Variants in RASSF3 observed in about 807,000 individuals in gnomAD.
RASSF3 encodes Ras association domain family member 3, also known as ras association domain-containing protein 3.
Under a neutral mutation model 19.9 loss-of-function variants are expected in RASSF3, and 19 were observed. The ratio of observed to expected loss-of-function variants is 0.96; its 90% CI spans 0.67 to 1.40. The LOEUF (loss-of-function observed/expected upper bound fraction) is 1.40, where lower values mean the gene tolerates loss of function less well. RASSF3 is among the 40% of genes most tolerant of loss of function. The pLI is 0.00. For missense variants in RASSF3, 306 were observed against 289.8 expected (o/e 1.06, Z -0.41); for synonymous variants, 110 against 104.2 (o/e 1.06, Z -0.34).
chr12:64,687,386 C>T (rs905628244), intron 2 of RASSF3, among the ~76,000 whole-genome samples: 3 of 152,036 alleles, frequency 2.0e-5, no homozygotes, highest in Non-Finnish European at 4.4e-5. Flanking sequence ...AATAGTAATT[C>T]TACCATCAGT....
intron 1 of RASSF3, among the ~76,000 whole-genome samples, chr12:64,524,218 T>TTTTTTTTA (rs1313896934): frequency 2.9e-5 from 4 of 137,790 alleles, no homozygotes; most frequent in African/African-American, 1.1e-4. Flanking sequence ...TGCCCGGCAA[T>TTTTTTTTA]TTTATTTATT....
At chr12:64,604,920 C>T (rs574519435) in intron 2 of RASSF3, among the ~76,000 whole-genome samples, 57 of 152,106 alleles carry the variant, frequency 3.7e-4, no homozygotes, top group Non-Finnish European at 1.5e-5. Context: ...CCACCGTGCC[C>T]GGCCATGTAA....
At chr12:64,656,409 A>G (rs975123353) in intron 1 of RASSF3, among the ~76,000 whole-genome samples, 3 of 152,180 alleles carry the variant, frequency 2.0e-5, no homozygotes, top group Non-Finnish European at 4.4e-5. Context: ...ATTTAATTGT[A>G]TACTTATGGG....
intron 1 of RASSF3, among the ~76,000 whole-genome samples, chr12:64,678,588 TTTTG>T (rs762180345): frequency 3.7e-4 from 56 of 151,836 alleles, no homozygotes; most frequent in Non-Finnish European, 6.2e-4. Context: ...ATTTGCTCTT[TTTTG>T]TTTGTTTGTT....
intron 1 of RASSF3, among the ~76,000 whole-genome samples, chr12:64,672,674 TA>T (rs1032799074): frequency 1.3e-5 from 2 of 152,100 alleles, no homozygotes; most frequent in Non-Finnish European, 2.9e-5. Flanking sequence ...CACTCCTGGC[TA>T]ATATTTTTAT....
intron 1 of RASSF3, among the ~76,000 whole-genome samples, chr12:64,617,107 T>TG (rs1870579331): frequency 6.6e-6 from 1 of 152,242 alleles, no homozygotes; most frequent in African/African-American, 2.4e-5. Flanking sequence ...CAGTATTTGG[T>TG]ACTGTTAGTT....
At chr12:64,558,162 ACATTCAAAGTCAGCAGTAG>A (rs1869284106) in intron 2 of RASSF3, among the ~76,000 whole-genome samples, 1 of 152,160 alleles carries the variant, frequency 6.6e-6, no homozygotes, top group Non-Finnish European at 1.5e-5. Flanking sequence ...TGACAGTTGG[ACATTCAAAGTCAGCAGTAG>A]CTAAATCAGC....
intron 2 of RASSF3, among the ~76,000 whole-genome samples, chr12:64,586,492 A>AC: frequency 2.2e-4 from 2 of 8,952 alleles, no homozygotes; most frequent in Non-Finnish European, 5.5e-4. Flanking sequence ...TCCTTCTCAG[A>AC]AAAAAAAAAA....
chr12:64,676,231 G>T (rs1872896733), intron 1 of RASSF3, among the ~76,000 whole-genome samples: 1 of 145,140 alleles, frequency 6.9e-6, no homozygotes, highest in Non-Finnish European at 1.5e-5. Context: ...GGAGTGCAGT[G>T]GTGTAACCTC....
chr12:64,546,057 A>G (rs10878190), downstream of RASSF3, among the ~76,000 whole-genome samples: 21,617 of 144,792 alleles, frequency 0.15, 2,109 homozygotes, highest in African/African-American at 0.28. Context: ...GATTACGCCA[A>G]TGCGCTCCAG....
intron 1 of RASSF3, among the ~76,000 whole-genome samples, chr12:64,623,245 G>A (rs1300204285): frequency 6.6e-6 from 1 of 152,168 alleles, no homozygotes; most frequent in African/African-American, 2.4e-5. Context: ...ATATCACGTA[G>A]GAGGAAAAGT....
At chr12:64,606,699 T>C (rs550696944), upstream of RASSF3, among the ~76,000 whole-genome samples, 11 of 152,118 alleles carry the variant, frequency 7.2e-5, no homozygotes, top group Non-Finnish European at 8.8e-5. Flanking sequence ...CCTGTAATCC[T>C]AGCTACTCGG....
chr12:64,621,514 G>A (rs143902362), intron 1 of RASSF3, among the ~76,000 whole-genome samples: 1 of 152,290 alleles, frequency 6.6e-6, no homozygotes, highest in East Asian at 1.9e-4. Flanking sequence ...TTTCGGTCAT[G>A]TTGCCCAGGC....
intron 2 of RASSF3, among the ~76,000 whole-genome samples, chr12:64,554,386 C>T (rs1252835064): frequency 6.6e-6 from 1 of 152,188 alleles, no homozygotes; most frequent in African/African-American, 2.4e-5. Flanking sequence ...CTCACTGCAA[C>T]CTTTGCCTCC....
At chr12:64,518,532 A>G (rs1868406383) in intron 1 of RASSF3, among the ~76,000 whole-genome samples, 1 of 152,214 alleles carries the variant, frequency 6.6e-6, no homozygotes, top group African/African-American at 2.4e-5. Flanking sequence ...TACCGCAAGG[A>G]TGGCACCAAG....
chr12:64,606,579 C>T, upstream of RASSF3, among the ~76,000 whole-genome samples: 1 of 152,170 alleles, frequency 6.6e-6, no homozygotes, highest in East Asian at 1.9e-4. Flanking sequence ...TCAGTGATAG[C>T]CAAGGCAGGC....
chr12:64,587,925 C>T (rs1297552875), intron 2 of RASSF3, among the ~76,000 whole-genome samples: 5 of 152,160 alleles, frequency 3.3e-5, no homozygotes, highest in African/African-American at 9.7e-5. Context: ...TAAATGAACA[C>T]CACCCCCAGC....
At chr12:64,685,125 C>T (rs1020290130) in intron 2 of RASSF3, among the ~76,000 whole-genome samples, 1 of 152,162 alleles carries the variant, frequency 6.6e-6, no homozygotes, top group African/African-American at 2.4e-5. Flanking sequence ...AAGTGAAACA[C>T]TTATAATTTT....
At chr12:64,610,050 C>G (rs1870278866), upstream of RASSF3, among the ~76,000 whole-genome samples, 1 of 152,056 alleles carries the variant, frequency 6.6e-6, no homozygotes, top group Non-Finnish European at 1.5e-5. Flanking sequence ...CCTGGGGGGT[C>G]CCTCGGCCGG....
Sources: allele counts gnomAD v4.1 joint callset (sites outside exome capture counted in the v4.1 genomes callset), GRCh38; gene constraint gnomAD v4.1.1; transcripts MANE v1.5; gene names NCBI Gene and HGNC (gene_info 2026-07-23, HGNC 2026-07-21).